Variants in UBR3 observed in about 807,000 individuals in gnomAD.
UBR3 encodes the protein E3 ubiquitin-protein ligase UBR3.
Under a neutral mutation model 243.2 loss-of-function variants are expected in UBR3, and 85 were observed. That is an observed-to-expected ratio of 0.35 (90% CI 0.29 to 0.42). UBR3 has a LOEUF of 0.42. Ranked by LOEUF, UBR3 falls within the 10% of genes least tolerant of loss-of-function variation. The pLI is 1.00. For missense variants in UBR3, 1,686 were observed against 2,300.8 expected, an observed-to-expected ratio of 0.73 and a Z score of 5.47; for synonymous variants, 748 against 799.8, an observed-to-expected ratio of 0.94 and a Z score of 1.09.
intron 23 of UBR3, among the ~76,000 whole-genome samples, chr2:169,954,736 G>T (rs1270076050): frequency 1.3e-5 from 2 of 151,746 alleles, no homozygotes; most frequent in African/African-American, 4.8e-5. Context: ...CACCATGCCC[G>T]GCTAATTTTT....
chr2:169,840,632 C>T (rs1237597488), intron 1 of UBR3, among the ~76,000 whole-genome samples: 1 of 152,138 alleles, frequency 6.6e-6, no homozygotes, highest in African/African-American at 2.4e-5. Context: ...CCTGCCCCTT[C>T]CCCCCACCGC....
chr2:170,013,637 G>A (rs1438523987), intron 29 of UBR3, among the ~76,000 whole-genome samples: 8 of 151,962 alleles, frequency 5.3e-5, no homozygotes, highest in East Asian at 1.9e-4. Flanking sequence ...TTTGTCATCC[G>A]TTATATTTGG....
Position 169,828,061 on chromosome 2 carries a change from A to G in UBR3, c.545+9A>G. 1 of 1,360,588 alleles carries G rather than the reference A, an allele frequency of 7.3e-7. No homozygotes were observed. The highest frequency in any genetic ancestry group is 9.5e-7 in the Non-Finnish European group (1 of 1,053,630). 84.3% of individuals were successfully genotyped at this position (1,360,588 alleles called of 1,614,324 possible). ...GTGATGCGGGAGAGCGGGTGAGTGG[A>G]GCCCTCCCCGCGGGCGAGGCGACCC... On this transcript the variant is annotated intron_variant, in intron 1 of 38. Coordinates refer to ENST00000272793, the MANE Select transcript of UBR3 (RefSeq NM_172070.4).
chr2:169,960,909 A>C (rs937151330), intron 24 of UBR3, among the ~76,000 whole-genome samples: 1 of 152,060 alleles, frequency 6.6e-6, no homozygotes, highest in Non-Finnish European at 1.5e-5. Flanking sequence ...CCAGTGGCTC[A>C]ACTCCTGGAC....
intron 1 of UBR3, among the ~76,000 whole-genome samples, chr2:169,857,319 C>T (rs1420103001): frequency 1.3e-5 from 2 of 151,998 alleles, no homozygotes; most frequent in Non-Finnish European, 1.5e-5. Flanking sequence ...TCAGATGATT[C>T]GCCTGCCTCA....
intron 8 of UBR3, among the ~76,000 whole-genome samples, chr2:169,902,801 G>C (rs1228352511): frequency 6.6e-6 from 1 of 152,116 alleles, no homozygotes; most frequent in Non-Finnish European, 1.5e-5. Flanking sequence ...TAGAGGTGGG[G>C]GTTTTACCAT....
intron 19 of UBR3, among the ~76,000 whole-genome samples, chr2:169,933,301 A>G (rs1054282780): frequency 6.6e-6 from 1 of 152,198 alleles, no homozygotes; most frequent in Non-Finnish European, 1.5e-5. Flanking sequence ...GTGTTGTTCT[A>G]CTTTTGAACC....
chr2:169,955,437 CG>C (rs2087234712), intron 23 of UBR3, among the ~76,000 whole-genome samples: 2 of 151,790 alleles, frequency 1.3e-5, no homozygotes, highest in African/African-American at 2.4e-5. Flanking sequence ...AGCTGGTTTC[CG>C]GGTCCTTTTG....
intron 5 of UBR3, among the ~76,000 whole-genome samples, chr2:169,882,205 CAT>C (rs1299334671): frequency 3.1e-5 from 4 of 129,328 alleles, no homozygotes; most frequent in Non-Finnish European, 6.2e-5. Flanking sequence ...ATAATATACA[CAT>C]TTATATATGT....
rs577005913 is a variant in UBR3 at position 170,080,351 on chromosome 2, A to T, written c.5410-194A>T. 1.2e-4 allele frequency: 80 copies of T among 677,608 alleles called. No individual in the cohort carries two copies. The African/African-American group carries it at 1.2e-3, about 11-fold the overall frequency. The allele number at this position is 677,608 out of a possible 1,614,324, so 42.0% of individuals were successfully genotyped here. ...AATTAGGTTGGCTCTTAATTGCTTT[A>T]CTAGATATTCCTTACCCAAATACCT... On this transcript the variant is annotated intron_variant, in intron 37 of 38. Transcript: ENST00000272793.
At chr2:170,000,473 G>A (rs1396884779) in intron 26 of UBR3, among the ~76,000 whole-genome samples, 2 of 152,228 alleles carry the variant, frequency 1.3e-5, no homozygotes, top group Non-Finnish European at 2.9e-5. Context: ...TATGATTTGG[G>A]AACTGATATT....
intron 30 of UBR3, among the ~76,000 whole-genome samples, chr2:170,026,141 G>C (rs1270129268): frequency 6.6e-6 from 1 of 151,864 alleles, no homozygotes; most frequent in Non-Finnish European, 1.5e-5. Context: ...AGCAGAAGAA[G>C]GGCACATAAA....
intron 7 of UBR3, 37 bp from the exon 8 acceptor site, chr2:169,896,470 C>T: frequency 7.9e-7 from 1 of 1,272,664 alleles, no homozygotes; most frequent in Non-Finnish European, 1.1e-6. Flanking sequence ...AAAATTAAAA[C>T]TAATGTGTTT....
chr2:169,862,304 T>TA (rs2083120368), intron 1 of UBR3, among the ~76,000 whole-genome samples: 1 of 152,202 alleles, frequency 6.6e-6, no homozygotes, highest in African/African-American at 2.4e-5. Flanking sequence ...TTCTTAGAAT[T>TA]TATCTAACAG....
At chr2:169,915,687 G>A (rs954637001) in intron 11 of UBR3, among the ~76,000 whole-genome samples, 2 of 152,130 alleles carry the variant, frequency 1.3e-5, no homozygotes, top group African/African-American at 4.8e-5. Flanking sequence ...CTTTACTAAT[G>A]ATGTTCCCTT....
intron 1 of UBR3, among the ~76,000 whole-genome samples, chr2:169,841,407 C>T (rs957350782): frequency 5.9e-5 from 9 of 152,342 alleles, no homozygotes; most frequent in East Asian, 5.8e-4. Flanking sequence ...CGGCACCTCC[C>T]CTGCCTGGAC....
chr2:169,965,628 A>G (rs1184228989), intron 24 of UBR3, among the ~76,000 whole-genome samples: 1 of 152,202 alleles, frequency 6.6e-6, no homozygotes, highest in Non-Finnish European at 1.5e-5. Flanking sequence ...GCATTGGGAT[A>G]TTACAGCAGT....
intron 11 of UBR3, among the ~76,000 whole-genome samples, chr2:169,915,444 C>T (rs781087957): frequency 2.5e-4 from 38 of 152,148 alleles, no homozygotes; most frequent in Non-Finnish European, 4.7e-4. Flanking sequence ...CCATGTTGGC[C>T]AGGCTGGCCT....
intron 25 of UBR3, among the ~76,000 whole-genome samples, chr2:169,988,779 G>C (rs1156357588): frequency 6.6e-6 from 1 of 152,064 alleles, no homozygotes; most frequent in Admixed American, 6.6e-5. Context: ...GCGTGATAGA[G>C]TAAGACCCTA....
Sources: allele counts gnomAD v4.1 joint callset (sites outside exome capture counted in the v4.1 genomes callset), GRCh38; gene constraint gnomAD v4.1.1; transcripts MANE v1.5; gene names NCBI Gene and HGNC (gene_info 2026-07-23, HGNC 2026-07-21).